NKAIN2: variants seen among roughly 807,000 people sequenced by gnomAD.
NKAIN2 encodes the protein sodium/potassium transporting ATPase interacting 2, also known as sodium/potassium-transporting ATPase subunit beta-1-interacting protein 2.
A neutral mutation model predicts 32.6 loss-of-function variants in NKAIN2; 14 were observed. The observed-to-expected ratio is 0.43, with a 90% CI of 0.28 to 0.67. NKAIN2 has a LOEUF of 0.67. Among genes scored for constraint, NKAIN2 ranks in the 30% least tolerant of loss-of-function variants. The pLI, the probability that NKAIN2 is intolerant of heterozygous loss-of-function variation, is 0.17. For synonymous variants in NKAIN2, 80 were observed against 87.2 expected (o/e 0.92, Z 0.46); for missense variants, 198 against 258.3 (o/e 0.77, Z 1.60).
At chr6:124,219,053 T>G (rs1037928585) in intron 1 of NKAIN2, among the ~76,000 whole-genome samples, 1 of 151,940 alleles carries the variant, frequency 6.6e-6, no homozygotes, top group East Asian at 1.9e-4. Flanking sequence ...ACCTCCATGA[T>G]GCAATCACCT....
intron 1 of NKAIN2, among the ~76,000 whole-genome samples, chr6:124,169,003 A>G (rs1788710545): frequency 6.6e-6 from 1 of 152,158 alleles, no homozygotes; most frequent in Non-Finnish European, 1.5e-5. Context: ...CAAAACAAGT[A>G]AAATGCTCTT....
intron 1 of NKAIN2, among the ~76,000 whole-genome samples, chr6:123,910,510 T>TG (rs1453759767): frequency 7.8e-6 from 1 of 128,968 alleles, no homozygotes; most frequent in African/African-American, 3.2e-5. Context: ...TTTTTTTTTT[T>TG]TTTTTTTTTT....
intron 4 of NKAIN2, among the ~76,000 whole-genome samples, chr6:124,726,019 C>A (rs915785702): frequency 3.9e-5 from 6 of 152,214 alleles, no homozygotes; most frequent in African/African-American, 9.6e-5. Flanking sequence ...AAACGGCACA[C>A]CACCAGATTA....
rs574526451 is a variant in NKAIN2 at position 124,806,949 on chromosome 6, T to C, written c.536-11438T>C. Among the ~76,000 whole-genome samples the C allele has an allele frequency of 3.3e-5, 5 of 152,286 alleles. No homozygotes were observed. The South Asian group carries it at 1.0e-3, about 32-fold the overall frequency. On this transcript the variant is annotated intron_variant, in intron 5 of 6. Coordinates refer to ENST00000368417, the MANE Select transcript of NKAIN2 (RefSeq NM_001040214.3). ...AACAAGAAGAGCTAACTATCCTAAA[T>C]ATATATGCATCCAATACAGGAGGAC...
intron 1 of NKAIN2, among the ~76,000 whole-genome samples, chr6:124,110,181 C>A (rs1785315006): frequency 6.7e-6 from 1 of 149,668 alleles, no homozygotes; most frequent in African/African-American, 2.5e-5. Context: ...CAATATTTTA[C>A]TATTATCGAG....
At chr6:124,584,715 A>G (rs183367132) in intron 3 of NKAIN2, among the ~76,000 whole-genome samples, 1 of 152,198 alleles carries the variant, frequency 6.6e-6, no homozygotes. Context: ...GGTGTTGAAC[A>G]TCACTGATCA....
At chr6:124,560,674 G>A (rs550779883) in intron 3 of NKAIN2, among the ~76,000 whole-genome samples, 1 of 152,280 alleles carries the variant, frequency 6.6e-6, no homozygotes, top group Admixed American at 6.5e-5. Flanking sequence ...CACATAGTAA[G>A]CATGATATAA....
At chr6:124,637,775 T>A (rs1783829085) in intron 3 of NKAIN2, among the ~76,000 whole-genome samples, 1 of 151,872 alleles carries the variant, frequency 6.6e-6, no homozygotes, top group African/African-American at 2.4e-5. Flanking sequence ...CCCCCAAAAA[T>A]AAAAAGACAT....
chr6:124,734,447 C>A (rs551210078), intron 4 of NKAIN2, among the ~76,000 whole-genome samples: 42 of 142,482 alleles, frequency 2.9e-4, no homozygotes, highest in African/African-American at 8.6e-4. Context: ...TGCTTAAAAT[C>A]TTTAAATGGT....
Position 124,283,021 on chromosome 6 carries a change from G to A in NKAIN2, c.71G>A (p.Arg24Lys). The change falls in exon 2 of 7, where the codon AGG becomes AAG. Residue 24 changes from arginine (R) to lysine (K), a missense_variant. Coordinates refer to ENST00000368417, the MANE Select transcript of NKAIN2 (RefSeq NM_001040214.3). The part of the protein sequence containing the change: ...CGMQLVCVLE[R>K]QIFDFLGYQW... ...CTATTCTAGGTTTGTGTGCTGGAGA[G>A]GCAAATATTTGACTTCCTTGGATAT... is the stretch of plus-strand genomic sequence containing the variant. The A allele has an allele frequency of 2.5e-6, 4 of 1,613,866 alleles. No individual in the cohort carries two copies. Among genetic ancestry groups the A allele is most frequent in the South Asian group, 1.1e-5 (1 of 91,082 alleles).
intron 1 of NKAIN2, among the ~76,000 whole-genome samples, chr6:123,957,413 T>C (rs1015467608): frequency 2.0e-5 from 3 of 152,190 alleles, no homozygotes; most frequent in Admixed American, 1.3e-4. Flanking sequence ...AGTTACATTA[T>C]AGGAATTAAA....
chr6:124,192,708 T>G (rs1298146580), intron 1 of NKAIN2, among the ~76,000 whole-genome samples: 1 of 149,382 alleles, frequency 6.7e-6, no homozygotes, highest in Non-Finnish European at 1.5e-5. Flanking sequence ...CTACCAATTG[T>G]GGTGTTGTCT....
chr6:124,135,514 G>GAAA (rs1786725559), intron 1 of NKAIN2, among the ~76,000 whole-genome samples: 2 of 12,222 alleles, frequency 1.6e-4, no homozygotes, highest in African/African-American at 4.0e-4. Flanking sequence ...AGCAACGATA[G>GAAA]TAAAAAAAAA....
chr6:124,486,543 G>A (rs997506325), intron 3 of NKAIN2, among the ~76,000 whole-genome samples: 1 of 152,082 alleles, frequency 6.6e-6, no homozygotes, highest in Non-Finnish European at 1.5e-5. Context: ...TAAAAGCCAG[G>A]CAATACAATG....
At chr6:124,396,922 A>G (rs1773406664) in intron 3 of NKAIN2, among the ~76,000 whole-genome samples, 1 of 152,240 alleles carries the variant, frequency 6.6e-6, no homozygotes, top group Admixed American at 6.5e-5. Context: ...AGTATTAATT[A>G]TCATCAGAAC....
At position 124,112,300 on chromosome 6, in the gene NKAIN2, T is replaced by C. The variant is rs546914873; in HGVS notation, c.55-170705T>C. Among the ~76,000 whole-genome samples the C allele has an allele frequency of 3.3e-5, 5 of 152,328 alleles. No homozygotes were observed. The South Asian group carries it at 8.3e-4, about 25-fold the overall frequency. On this transcript the variant is annotated intron_variant, in intron 1 of 6. Transcript: ENST00000368417. ...GTTTGGAAAAGTCTTTATCTCTCTT[T>C]CATTTTTAAAGGACAGTTTTTGCCA...
intron 2 of NKAIN2, among the ~76,000 whole-genome samples, chr6:124,348,356 C>A (rs1324741106): frequency 2.0e-5 from 3 of 152,202 alleles, no homozygotes; most frequent in Non-Finnish European, 2.9e-5. Flanking sequence ...CCACTGCTCT[C>A]CTCAAAGCTG....
intron 3 of NKAIN2, among the ~76,000 whole-genome samples, chr6:124,404,031 C>G (rs1773740490): frequency 6.6e-6 from 1 of 151,918 alleles, no homozygotes; most frequent in Non-Finnish European, 1.5e-5. Context: ...TATATTTATT[C>G]TTGTCTGCCT....
At chr6:124,663,514 AC>A (rs749821592) in intron 4 of NKAIN2, among the ~76,000 whole-genome samples, 19 of 152,200 alleles carry the variant, frequency 1.2e-4, no homozygotes, top group Non-Finnish European at 2.4e-4. Context: ...CAAAAAATAT[AC>A]CCAAAACGCA....
Sources: gnomAD v4.1 joint callset for allele counts (sites outside exome capture counted in the v4.1 genomes callset) on GRCh38, gnomAD v4.1.1 for gene constraint, MANE v1.5 for transcripts, NCBI Gene and HGNC (gene_info 2026-07-23, HGNC 2026-07-21) for gene names.